GFRA1: variants seen among roughly 807,000 people sequenced by gnomAD.
GFRA1 encodes GDNF family receptor alpha-1.
A neutral mutation model predicts 51.6 loss-of-function variants in GFRA1; 16 were observed. The ratio of observed to expected loss-of-function variants is 0.31; its 90% CI spans 0.21 to 0.47. The LOEUF (loss-of-function observed/expected upper bound fraction) is 0.47, where lower values mean the gene tolerates loss of function less well. Ranked by LOEUF, GFRA1 falls within the 20% of genes least tolerant of loss-of-function variation. GFRA1 has a pLI of 1.00. For synonymous variants in GFRA1, 270 were observed against 241.3 expected (o/e 1.12, Z -1.10); for missense variants, 530 against 594.3 (o/e 0.89, Z 1.13).
At chr10:116,084,238 A>G (rs759699340) in intron 9 of GFRA1, among the ~76,000 whole-genome samples, 6 of 152,182 alleles carry the variant, frequency 3.9e-5, no homozygotes, top group Non-Finnish European at 5.9e-5. Context: ...TTTAACAGGA[A>G]GCATGCTTTC....
intron 9 of GFRA1, among the ~76,000 whole-genome samples, chr10:116,065,865 TTAA>T (rs1955085011): frequency 1.3e-5 from 2 of 152,300 alleles, no homozygotes; most frequent in Admixed American, 1.3e-4. Flanking sequence ...GTACTCAATA[TTAA>T]TAAGATACTT....
intron 5 of GFRA1, among the ~76,000 whole-genome samples, chr10:116,144,521 A>G (rs1228306231): frequency 6.6e-6 from 1 of 152,106 alleles, no homozygotes; most frequent in Non-Finnish European, 1.5e-5. Context: ...AAGCAAATAC[A>G]CCCAAGGAAT....
intron 5 of GFRA1, among the ~76,000 whole-genome samples, chr10:116,185,934 C>A (rs2134295943): frequency 6.6e-6 from 1 of 152,278 alleles, no homozygotes; most frequent in East Asian, 1.9e-4. Flanking sequence ...AAGTGGATAT[C>A]CAGACATGGA....
At chr10:116,179,736 C>A (rs558612386) in intron 5 of GFRA1, among the ~76,000 whole-genome samples, 2 of 152,264 alleles carry the variant, frequency 1.3e-5, no homozygotes, top group South Asian at 4.1e-4. Flanking sequence ...CACACAAAGA[C>A]AGCACTAGGA....
intron 6 of GFRA1, among the ~76,000 whole-genome samples, chr10:116,117,815 T>C (rs1258445333): frequency 2.0e-5 from 3 of 152,156 alleles, no homozygotes; most frequent in African/African-American, 4.8e-5. Context: ...ATACTTCCTA[T>C]GTACTAAATT....
At chr10:116,156,037 A>G (rs773659073) in intron 5 of GFRA1, among the ~76,000 whole-genome samples, 1 of 152,182 alleles carries the variant, frequency 6.6e-6, no homozygotes, top group Non-Finnish European at 1.5e-5. Flanking sequence ...GAAGGAGACG[A>G]TATTTCCATT....
chr10:116,083,708 GCCC>G (rs1182874110), intron 9 of GFRA1, among the ~76,000 whole-genome samples: 1 of 152,150 alleles, frequency 6.6e-6, no homozygotes, highest in Non-Finnish European at 1.5e-5. Flanking sequence ...TTGGGGGTTT[GCCC>G]CCACAAAGAA....
chr10:116,174,216 AAT>A (rs1487724882), intron 5 of GFRA1, among the ~76,000 whole-genome samples: 1 of 152,206 alleles, frequency 6.6e-6, no homozygotes, highest in Non-Finnish European at 1.5e-5. Flanking sequence ...TGTGAGCTAA[AAT>A]ATGATTCCAG....
At chr10:116,082,457 G>A (rs749066853) in intron 9 of GFRA1, among the ~76,000 whole-genome samples, 2 of 145,344 alleles carry the variant, frequency 1.4e-5, no homozygotes, top group Non-Finnish European at 3.0e-5. Context: ...AGCTCAAACC[G>A]CCCCTTGCTT....
At chr10:116,109,984 T>C (rs1957145418) in intron 6 of GFRA1, among the ~76,000 whole-genome samples, 1 of 151,706 alleles carries the variant, frequency 6.6e-6, no homozygotes, top group Admixed American at 6.6e-5. Flanking sequence ...TGGCACAGAG[T>C]TCAGTGCTCA....
intron 5 of GFRA1, among the ~76,000 whole-genome samples, chr10:116,181,646 G>GT (rs200108850): frequency 0.063 from 9,461 of 149,614 alleles, 364 homozygotes; most frequent in Middle Eastern, 0.1. Flanking sequence ...TTGTTTTTTT[G>GT]TTTTTTTTTG....
At chr10:116,240,468 T>G (rs1967267672) in intron 4 of GFRA1, among the ~76,000 whole-genome samples, 1 of 152,224 alleles carries the variant, frequency 6.6e-6, no homozygotes, top group Non-Finnish European at 1.5e-5. Context: ...AAGAAGTATT[T>G]TCTAGAGATG....
chr10:116,129,396 C>T (rs1213470395), intron 5 of GFRA1, among the ~76,000 whole-genome samples: 1 of 152,124 alleles, frequency 6.6e-6, no homozygotes, highest in Non-Finnish European at 1.5e-5. Context: ...ATGTAATTCA[C>T]TGCACTAACA....
chr10:116,096,894 CACACACAT>C (rs1956615275), intron 6 of GFRA1, 130 bp from the exon 7 acceptor site: 19 of 634,476 alleles, frequency 3.0e-5, no homozygotes, highest in African/African-American at 7.5e-5. Context: ...CACACACACA[CACACACAT>C]ACACACAAAA....
At chr10:116,081,300 GT>G (rs1955840060) in intron 9 of GFRA1, among the ~76,000 whole-genome samples, 1 of 152,182 alleles carries the variant, frequency 6.6e-6, no homozygotes, top group African/African-American at 2.4e-5. Flanking sequence ...TCGGAATTGA[GT>G]TGTACTGCGG....
At chr10:116,213,217 A>C (rs1207414060) in intron 4 of GFRA1, among the ~76,000 whole-genome samples, 1 of 152,256 alleles carries the variant, frequency 6.6e-6, no homozygotes, top group African/African-American at 2.4e-5. Flanking sequence ...ACGAATGTTC[A>C]TCATAGCATT....
intron 6 of GFRA1, among the ~76,000 whole-genome samples, chr10:116,116,565 A>G (rs1957420195): frequency 6.6e-6 from 1 of 152,222 alleles, no homozygotes; most frequent in African/African-American, 2.4e-5. Context: ...CCACCCACAC[A>G]TGCAGGACCC....
chr10:116,186,527 A>G (rs1458413034), intron 5 of GFRA1, among the ~76,000 whole-genome samples: 1 of 150,010 alleles, frequency 6.7e-6, no homozygotes, highest in African/African-American at 2.5e-5. Context: ...CAATTCTGAA[A>G]GGCCGGTCTC....
At chr10:116,274,195 T>G (rs1844137116), upstream of GFRA1, among the ~76,000 whole-genome samples, 56 of 126,818 alleles carry the variant, frequency 4.4e-4, no homozygotes, top group South Asian at 4.2e-3. Context: ...CACGCTCCCC[T>G]TCCCGCACGC....
Sources: allele counts gnomAD v4.1 joint callset (sites outside exome capture counted in the v4.1 genomes callset), GRCh38; gene constraint gnomAD v4.1.1; transcripts MANE v1.5; gene names NCBI Gene and HGNC (gene_info 2026-07-23, HGNC 2026-07-21).